Variants in UGP2 observed in about 807,000 individuals in gnomAD.
UGP2 encodes the protein UDP-glucose pyrophosphorylase 2, also known as UTP--glucose-1-phosphate uridylyltransferase.
In UGP2, 40 loss-of-function variants were observed where a neutral mutation model predicts 49.0. The ratio of observed to expected loss-of-function variants is 0.82; its 90% confidence interval spans 0.63 to 1.06. The LOEUF (loss-of-function observed/expected upper bound fraction) is 1.06. Among genes scored for constraint, UGP2 ranks in the 50% least tolerant of loss-of-function variants. The pLI is 0.00. For synonymous variants in UGP2, 225 were observed against 213.0 expected, an observed-to-expected ratio of 1.06 and a Z score of -0.49; for missense variants, 460 against 603.5, an observed-to-expected ratio of 0.76 and a Z score of 2.49.
At chr2:63,842,253 G>C in intron 1 of UGP2, 49 bp downstream of exon 1, 1 of 1,608,344 alleles carries the variant, frequency 6.2e-7, no homozygotes, top group South Asian at 1.1e-5. Context: ...GCAAATTTGG[G>C]TACTGACAGT....
intron 1 of UGP2, among the ~76,000 whole-genome samples, chr2:63,853,966 G>A (rs991873585): frequency 1.3e-5 from 2 of 152,178 alleles, no homozygotes; most frequent in African/African-American, 2.4e-5. Flanking sequence ...CTTGTCTGTT[G>A]ATTGAACATA....
rs898536406 is a variant in UGP2 at position 63,882,396 on chromosome 2, C to G, written c.256-70C>G. ...ACTTTATGGAAGCATGGAAATAACC[C>G]TGGGATTGATATGCTTTAACGTCCC... On this transcript the variant is annotated intron_variant, in intron 3 of 9. Coordinates refer to ENST00000337130, the MANE Select transcript of UGP2 (RefSeq NM_006759.4). 6.9e-6 allele frequency: 9 copies of G among 1,307,056 alleles called. No individual in the cohort carries two copies. The African/African-American group carries it at 1.3e-4, about 19-fold the overall frequency. The allele number at this position is 1,307,056 out of a possible 1,614,324, so 81.0% of individuals were successfully genotyped here.
intron 8 of UGP2, 104 bp from the exon 9 acceptor site, chr2:63,889,977 C>CA (rs1460009733): frequency 2.3e-6 from 2 of 863,436 alleles, no homozygotes; most frequent in Admixed American, 2.7e-5. Flanking sequence ...TGAGCTTTGC[C>CA]AAAAAAGGTT....
At chr2:63,871,724 G>C (rs544890179) in intron 3 of UGP2, among the ~76,000 whole-genome samples, 1 of 152,350 alleles carries the variant, frequency 6.6e-6, no homozygotes, top group East Asian at 1.9e-4. Flanking sequence ...TTGTTTATAT[G>C]GCAGCGTTCT....
intron 1 of UGP2, chr2:63,855,520 G>GTTTTTTTTTTTTTTTTTTTTTTTTTTGT (rs372160888): frequency 5.3e-6 from 1 of 187,728 alleles, no homozygotes; most frequent in African/African-American, 3.2e-5. Context: ...TTCTTTTTCT[G>GTTTTTTTTTTTTTTTTTTTTTTTTTTGT]TTTTTTTTTT....
intron 1 of UGP2, among the ~76,000 whole-genome samples, chr2:63,851,628 C>A (rs961745007): frequency 6.6e-6 from 1 of 152,094 alleles, no homozygotes; most frequent in African/African-American, 2.4e-5. Flanking sequence ...TACTTTTTTT[C>A]TCATTTCTGC....
chr2:63,848,942 C>T (rs1668853507), intron 1 of UGP2, among the ~76,000 whole-genome samples: 1 of 152,158 alleles, frequency 6.6e-6, no homozygotes, highest in South Asian at 2.1e-4. Flanking sequence ...TTTTCTCAGT[C>T]ATTAACAAAT....
intron 3 of UGP2, among the ~76,000 whole-genome samples, chr2:63,879,939 T>C (rs1671178357): frequency 6.6e-6 from 1 of 152,224 alleles, no homozygotes; most frequent in South Asian, 2.1e-4. Context: ...TTTCGGTGAC[T>C]TTCAACTGAT....
At chr2:63,854,437 G>C (rs1669247728) in intron 1 of UGP2, among the ~76,000 whole-genome samples, 1 of 152,216 alleles carries the variant, frequency 6.6e-6, no homozygotes, top group Admixed American at 6.5e-5. Context: ...AGTGTAACCT[G>C]AGAATGTTAA....
At chr2:63,879,894 A>C (rs1671174359) in intron 3 of UGP2, among the ~76,000 whole-genome samples, 1 of 152,188 alleles carries the variant, frequency 6.6e-6, no homozygotes, top group African/African-American at 2.4e-5. Flanking sequence ...TCTGAACTAA[A>C]AATTTTACCT....
At chr2:63,886,290 A>T (rs1401973371) in intron 6 of UGP2, 51 bp from the exon 7 acceptor site, 2 of 1,557,746 alleles carry the variant, frequency 1.3e-6, no homozygotes, top group Non-Finnish European at 8.8e-7. Context: ...ATTTACAAAA[A>T]AATGCACTTG....
At chr2:63,873,641 G>A (rs530109600) in intron 3 of UGP2, among the ~76,000 whole-genome samples, 18 of 152,170 alleles carry the variant, frequency 1.2e-4, no homozygotes, top group South Asian at 2.1e-4. Context: ...AGGAAAAAGC[G>A]CAAGGCCTTA....
intron 3 of UGP2, among the ~76,000 whole-genome samples, chr2:63,865,351 G>A (rs146117843): frequency 3.3e-5 from 5 of 152,204 alleles, no homozygotes; most frequent in African/African-American, 1.2e-4. Context: ...CAATAACACA[G>A]GCATGCAATA....
chr2:63,863,461 G>A (rs1669984407), intron 3 of UGP2, among the ~76,000 whole-genome samples: 1 of 151,972 alleles, frequency 6.6e-6, no homozygotes, highest in African/African-American at 2.4e-5. Flanking sequence ...TTAGCATTTT[G>A]GAAATTGCTA....
intron 3 of UGP2, chr2:63,863,053 A>T (rs565950515): frequency 3.2e-6 from 1 of 309,118 alleles, no homozygotes; most frequent in Admixed American, 4.6e-5. Context: ...GCTGATAAGG[A>T]TATGGGTCAG....
rs143392519 is a variant in UGP2, at chr2:63,860,558, T to G, written c.255+2622T>G. On this transcript the variant is annotated intron_variant, in intron 3 of 9. Coordinates refer to ENST00000337130, the MANE Select transcript of UGP2 (RefSeq NM_006759.4). The stretch of plus-strand genomic sequence containing the variant: ...CTCAGAAAACTGACCTCATATGCCT[T>G]TGTCATTTCAGATGATCACTTTTAA... Among the ~76,000 whole-genome samples, 62 of 152,292 alleles carry G rather than the reference T, an allele frequency of 4.1e-4. 1 individual carries two copies. The East Asian group carries it at 0.01, about 26-fold the overall frequency.
chr2:63,877,748 C>T (rs561743064), intron 3 of UGP2, among the ~76,000 whole-genome samples: 1 of 151,402 alleles, frequency 6.6e-6, no homozygotes, highest in East Asian at 2.0e-4. Flanking sequence ...AATCCCAGCA[C>T]TTGGGGAGGC....
At chr2:63,889,469 GTAC>G (rs1671926823) in intron 8 of UGP2, 1 of 152,294 alleles carries the variant, frequency 6.6e-6, no homozygotes, top group Non-Finnish European at 1.5e-5. Context: ...TCCAATTCCA[GTAC>G]TAGGAAGGCA....
intron 9 of UGP2, 72 bp downstream of exon 9, chr2:63,890,257 A>G: frequency 8.7e-7 from 1 of 1,145,784 alleles, no homozygotes; most frequent in Non-Finnish European, 1.3e-6. Flanking sequence ...TCATAAATTT[A>G]CATTTACTTT....
Sources: gnomAD v4.1 joint callset for allele counts (sites outside exome capture counted in the v4.1 genomes callset) on GRCh38, gnomAD v4.1.1 for gene constraint, MANE v1.5 for transcripts, NCBI Gene and HGNC (gene_info 2026-07-23, HGNC 2026-07-21) for gene names.